Variants in ISLR2 observed in about 807,000 individuals in gnomAD.
ISLR2 encodes the protein immunoglobulin superfamily containing leucine-rich repeat protein 2.
In ISLR2, 16 loss-of-function variants were observed where a neutral mutation model predicts 25.5. That is an observed-to-expected ratio of 0.63 (90% CI 0.43 to 0.95). ISLR2 has a LOEUF of 0.95. Ranked by LOEUF, ISLR2 falls within the 40% of genes least tolerant of loss-of-function variation. The probability of loss-of-function intolerance (pLI) is 0.00; values close to 1 mark genes in which losing one functional copy is unlikely to be tolerated. For synonymous variants in ISLR2, 508 were observed against 486.6 expected (o/e 1.04, Z -0.58); for missense variants, 883 against 1,030.7 (o/e 0.86, Z 1.96).
Position 74,132,915 on chromosome 15 carries a change from C to T in ISLR2, c.161C>T (p.Thr54Met), listed in dbSNP as rs2072457039. Residue 54 changes from threonine to methionine, a missense_variant, in exon 3 of 3, where the codon ACG becomes ATG. Physicochemically the swap from Thr to Met is moderately conservative, Grantham distance 81. This residue lies in a region of ISLR2 where 271 missense variants were observed against 387.9 expected (regional missense o/e 0.70). Transcript: ENST00000453268. The surrounding 1 kb of genome is among the most constrained non-coding windows in gnomAD (Gnocchi z 4.3). ...EVPEGLPANV[T>M]TLSLSANKIT... Reference sequence around the variant, plus strand: ...CCGGAAGGACTGCCTGCCAACGTGACGACGCTTAGTCTGTCCGCGAACAAG... The same window carrying T: ...CCGGAAGGACTGCCTGCCAACGTGATGACGCTTAGTCTGTCCGCGAACAAG... The T allele has an allele frequency of 1.2e-6, 2 of 1,614,090 alleles. No homozygotes were observed. Among genetic ancestry groups the T allele is most frequent in the South Asian group, 1.1e-5 (1 of 91,088 alleles).
chr15:74,128,135 G>T, upstream of ISLR2: 1 of 298,432 alleles, frequency 3.4e-6, no homozygotes, highest in Non-Finnish European at 6.4e-6. Flanking sequence ...CATTAGACCC[G>T]CTTCTGCGCG....
At chr15:74,126,650 T>C (rs965401276), upstream of ISLR2, 1 of 152,192 alleles carries the variant, frequency 6.6e-6, no homozygotes. Flanking sequence ...GCCTGGTCAG[T>C]ACTCTTATTT....
intron 2 of ISLR2, among the ~76,000 whole-genome samples, chr15:74,113,467 C>T (rs920854580): frequency 1.3e-5 from 2 of 152,166 alleles, no homozygotes; most frequent in Non-Finnish European, 2.9e-5. Context: ...TTTGTATTGA[C>T]TGGTTTTCTC....
Position 74,134,099 on chromosome 15 carries a change from A to G in ISLR2, c.1345A>G (p.Ile449Val), listed in dbSNP as rs1400191512. The G allele has an allele frequency of 3.1e-6, 5 of 1,613,564 alleles. No homozygotes were observed. The Admixed American group carries it at 6.7e-5, about 22-fold the overall frequency. ...TGAGGGAGAGGAGGCCGAAGACCAG[A>G]TCCTCGCGGACCCGGCGGAGGAGCA... Reference protein sequence around the residue: ...TSEGEEAEDQILADPAEEQRC... With the variant: ...TSEGEEAEDQVLADPAEEQRC... Residue 449 changes from isoleucine (I) to valine (V), a missense_variant, in exon 3 of 3, where the codon ATC (isoleucine) becomes GTC (valine). Around this residue, in one of 2 missense-constraint regions of ISLR2, gnomAD observed 612 missense variants for 642.8 expected, o/e 0.95. Coordinates refer to ENST00000453268, the MANE Select transcript of ISLR2 (RefSeq NM_020851.3).
In ISLR2 at chr15:74,108,481, C is replaced by T. The variant is rs528567264; in HGVS notation, n.228+4567C>T. ...CACAGCAGCACTGCCGCCCCCAGAC[C>T]CCCCAAAGCCCCATGTCCACGCAGC... On this transcript the variant is annotated intron_variant and non_coding_transcript_variant, in intron 2 of 3. Transcript: ENST00000561975. Among the ~76,000 whole-genome samples, 87 of 152,248 alleles carry T rather than the reference C, an allele frequency of 5.7e-4. 1 individual carries two copies. The South Asian group carries it at 0.017, about 30-fold the overall frequency.
exon 2 of ISLR2, chr15:74,103,890 T>G (rs1192531445): frequency 7.3e-5 from 11 of 151,160 alleles, no homozygotes; most frequent in African/African-American, 2.2e-4. Flanking sequence ...TGCTGCCCTG[T>G]GAAGAGGTGT....
At position 74,116,688 on chromosome 15, in the gene ISLR2, G is replaced by A. The variant is rs1258502325; in HGVS notation, n.228+12774G>A. Among the ~76,000 whole-genome samples, 141 of 152,142 alleles carry A rather than the reference G, an allele frequency of 9.3e-4. 3 individuals carry two copies. The highest frequency in any genetic ancestry group is 9.2e-3 in the Admixed American group (141 of 15,266). On this transcript the variant is annotated intron_variant and non_coding_transcript_variant, in intron 2 of 3. Transcript: ENST00000561975. ...CTGAGGCAAAAGTAATAACATTATG[G>A]GGTTTATAACATGTGGAAGTAAAAT...
At chr15:74,118,879 G>C (rs912261757) in intron 2 of ISLR2, among the ~76,000 whole-genome samples, 7 of 151,926 alleles carry the variant, frequency 4.6e-5, no homozygotes, top group African/African-American at 1.5e-4. Flanking sequence ...GGATGGTCTC[G>C]ATCTCTTGAC....
At chr15:74,131,090 C>G (rs774693245) in intron 1 of ISLR2, 117 bp from the exon 2 acceptor site, 9 of 152,560 alleles carry the variant, frequency 5.9e-5, no homozygotes, top group Non-Finnish European at 8.8e-5. Flanking sequence ...CAACCTGCAG[C>G]CAGAGAGGTG....
upstream of ISLR2, among the ~76,000 whole-genome samples, chr15:74,124,562 C>A (rs754305595): frequency 2.0e-5 from 3 of 152,124 alleles, no homozygotes; most frequent in African/African-American, 7.2e-5. Context: ...AGTTTGAGAC[C>A]AGCCTAGCCA....
chr15:74,114,008 C>T (rs1193423706), intron 2 of ISLR2, among the ~76,000 whole-genome samples: 2 of 152,238 alleles, frequency 1.3e-5, no homozygotes, highest in Non-Finnish European at 2.9e-5. Context: ...TTCTGATACT[C>T]TGCCACACAC....
At chr15:74,123,192 G>A (rs1038971314), upstream of ISLR2, among the ~76,000 whole-genome samples, 1 of 152,184 alleles carries the variant, frequency 6.6e-6, no homozygotes, top group Non-Finnish European at 1.5e-5. Context: ...CAGTTTGGGG[G>A]AGGGGCTAGC....
rs947083672 is a variant in ISLR2, at chr15:74,112,221, C to T, written n.228+8307C>T. 4.1e-4 allele frequency among the ~76,000 whole-genome samples: 63 copies of T among 152,168 alleles called. 3 individuals are homozygous for T. Among genetic ancestry groups the T allele is most frequent in the Admixed American group, 3.5e-3 (54 of 15,274 alleles). On this transcript the variant is annotated intron_variant and non_coding_transcript_variant, in intron 2 of 3. Coordinates refer to the ISLR2 transcript ENST00000561975. ...AATGCACAATTGCCCCTGGCCAGGC[C>T]GTGTCCTAGGCTAGGTCACCTGCTG...
chr15:74,128,717 A>T (rs2072338386), upstream of ISLR2: 1 of 453,730 alleles, frequency 2.2e-6, no homozygotes, highest in Non-Finnish European at 4.4e-6. Context: ...CAGTCCCGAA[A>T]AGTCCCCTGG....
upstream of ISLR2, chr15:74,129,909 C>T (rs2072368560): frequency 6.6e-6 from 1 of 152,410 alleles, no homozygotes; most frequent in East Asian, 1.9e-4. The surrounding 1 kb of genome is among the most constrained non-coding windows in gnomAD (Gnocchi z 4.5). Context: ...CCATCCTTGT[C>T]TGTGCTACTG....
At chr15:74,109,429 A>C (rs1388725384) in intron 2 of ISLR2, among the ~76,000 whole-genome samples, 1 of 152,152 alleles carries the variant, frequency 6.6e-6, no homozygotes, top group Non-Finnish European at 1.5e-5. Context: ...CAGAACCGCC[A>C]CGTGGAGCTG....
At chr15:74,130,126 G>C (rs1478329458), upstream of ISLR2, 11 of 151,312 alleles carry the variant, frequency 7.3e-5, no homozygotes. Context: ...CAGGGCTGCG[G>C]TGGGCTGGGG....
chr15:74,124,150 T>G (rs563267569), upstream of ISLR2, among the ~76,000 whole-genome samples: 2 of 150,490 alleles, frequency 1.3e-5, no homozygotes, highest in Admixed American at 1.3e-4. Flanking sequence ...GATAAGGAAG[T>G]ATCTAGTATG....
downstream of ISLR2, among the ~76,000 whole-genome samples, chr15:74,140,832 T>C (rs767921356): frequency 4.6e-5 from 7 of 152,230 alleles, no homozygotes; most frequent in Admixed American, 6.5e-5. Flanking sequence ...ATCTGTTCAA[T>C]GATAAGATTT....
Sources: allele counts gnomAD v4.1 joint callset (sites outside exome capture counted in the v4.1 genomes callset), GRCh38; gene constraint gnomAD v4.1.1; regional missense constraint gnomAD v4.1.1; non-coding constraint Gnocchi (gnomAD v3.1); transcripts MANE v1.5; gene names NCBI Gene and HGNC (gene_info 2026-07-23, HGNC 2026-07-21).